The following EYS variants were observed in gnomAD, a reference collection of about 807,000 sequenced individuals.
EYS encodes EGF-like photoreceptor maintenance factor.
A neutral mutation model predicts 282.1 loss-of-function variants in EYS; 250 were observed. The observed-to-expected ratio is 0.89, with a 90% CI of 0.80 to 0.98. The LOEUF (loss-of-function observed/expected upper bound fraction) is 0.98, where lower values mean the gene tolerates loss of function less well. EYS is among the 50% of genes least tolerant of loss of function. The pLI, the probability that EYS is intolerant of heterozygous loss-of-function variation, is 0.00. For missense variants in EYS, 4,016 were observed against 3,709.0 expected (o/e 1.08, Z -2.15); for synonymous variants, 1,355 against 1,282.9 (o/e 1.06, Z -1.20).
chr6:64,312,481 A>G (rs1346938457), intron 29 of EYS, among the ~76,000 whole-genome samples: 1 of 152,174 alleles, frequency 6.6e-6, no homozygotes, highest in South Asian at 2.1e-4. Context: ...TCCCTGACTG[A>G]CTACTCTAAA....
intron 26 of EYS, among the ~76,000 whole-genome samples, chr6:64,566,389 CA>C (rs1277071910): frequency 1.3e-5 from 2 of 152,068 alleles, no homozygotes; most frequent in African/African-American, 4.8e-5. Context: ...GTAAAAATTG[CA>C]AAATAAATGG....
intron 12 of EYS, among the ~76,000 whole-genome samples, chr6:65,212,528 T>C (rs993924952): frequency 6.6e-6 from 1 of 152,120 alleles, no homozygotes. Context: ...AAACATAAAT[T>C]TTAATTGATC....
intron 26 of EYS, among the ~76,000 whole-genome samples, chr6:64,585,047 T>C (rs1000642803): frequency 2.0e-5 from 3 of 152,052 alleles, no homozygotes; most frequent in Non-Finnish European, 2.9e-5. Context: ...GCACTATTCA[T>C]AACAGCAAAG....
intron 12 of EYS, among the ~76,000 whole-genome samples, chr6:65,236,436 C>A (rs979733253): frequency 1.3e-5 from 2 of 151,930 alleles, no homozygotes; most frequent in Non-Finnish European, 2.9e-5. Flanking sequence ...ATGGTGAAAC[C>A]CCGTCTCTAG....
chr6:65,425,497 T>G (rs1028109742), intron 5 of EYS, among the ~76,000 whole-genome samples: 1 of 152,096 alleles, frequency 6.6e-6, no homozygotes, highest in Non-Finnish European at 1.5e-5. Context: ...TTTAATTGTT[T>G]TTGCTTTTCA....
intron 19 of EYS, among the ~76,000 whole-genome samples, chr6:64,879,780 A>G (rs1583252785): frequency 6.6e-6 from 1 of 152,138 alleles, no homozygotes; most frequent in South Asian, 2.1e-4. Flanking sequence ...AAAGAGTAAG[A>G]AAACATATTT....
At chr6:63,742,486 A>G (rs928472) in intron 41 of EYS, among the ~76,000 whole-genome samples, 151,687 of 152,306 alleles carry the variant, frequency 1, 75,538 homozygotes, top group Middle Eastern at 1. Context: ...ACAACCCCAG[A>G]AAGGAAATCT....
chr6:64,969,003 T>C (rs933855877), intron 14 of EYS, among the ~76,000 whole-genome samples: 1 of 152,120 alleles, frequency 6.6e-6, no homozygotes, highest in Admixed American at 6.5e-5. Flanking sequence ...ATCTCTGTTA[T>C]AATTGCTGTT....
intron 31 of EYS, among the ~76,000 whole-genome samples, chr6:64,225,450 A>G (rs1200552505): frequency 6.6e-6 from 1 of 152,102 alleles, no homozygotes; most frequent in Non-Finnish European, 1.5e-5. Flanking sequence ...TGGGCCCTAT[A>G]TAATCACAAG....
intron 13 of EYS, among the ~76,000 whole-genome samples, chr6:65,025,372 T>C (rs1772376614): frequency 6.6e-6 from 1 of 152,192 alleles, no homozygotes; most frequent in Non-Finnish European, 1.5e-5. Context: ...TGAAAATGAA[T>C]TGATTTTAAA....
intron 5 of EYS, among the ~76,000 whole-genome samples, chr6:65,471,854 T>TTTCATAATA (rs1432693093): frequency 6.6e-6 from 1 of 152,084 alleles, no homozygotes; most frequent in East Asian, 1.9e-4. Context: ...TTAAACTATA[T>TTTCATAATA]TTCATAATAT....
rs143956017 is a variant in EYS, at chr6:64,675,182, T to C, written c.3444-48937A>G. Reference sequence around the variant, plus strand: ...TCTTAAATTTTAGTCAGATTCCAAGTCATGTATAGTATACATTCAAAATGT... The same window carrying C: ...TCTTAAATTTTAGTCAGATTCCAAGCCATGTATAGTATACATTCAAAATGT... On this transcript the variant is annotated intron_variant, in intron 22 of 42. Transcript: ENST00000503581. Among the ~76,000 whole-genome samples, 864 of 152,248 alleles carry C rather than the reference T, an allele frequency of 5.7e-3. 8 individuals are homozygous for C. The highest frequency in any genetic ancestry group is 0.019 in the African/African-American group (804 of 41,544).
chr6:64,511,757 C>T (rs559490531), intron 26 of EYS, among the ~76,000 whole-genome samples: 1 of 152,050 alleles, frequency 6.6e-6, no homozygotes, highest in African/African-American at 2.4e-5. Flanking sequence ...GTCTATTTCT[C>T]CTTTTCTCTT....
intron 22 of EYS, among the ~76,000 whole-genome samples, chr6:64,679,116 T>C (rs1769807838): frequency 6.6e-6 from 1 of 151,906 alleles, no homozygotes; most frequent in South Asian, 2.1e-4. Context: ...TCTATCCTCT[T>C]CTCTGCAGTC....
intron 12 of EYS, among the ~76,000 whole-genome samples, chr6:65,169,685 G>T (rs1225050164): frequency 6.6e-6 from 1 of 151,354 alleles, no homozygotes; most frequent in Non-Finnish European, 1.5e-5. Context: ...GTGAGAGCAA[G>T]TCTATATATA....
chr6:65,244,839 T>C (rs1767142419), intron 12 of EYS, among the ~76,000 whole-genome samples: 1 of 152,054 alleles, frequency 6.6e-6, no homozygotes, highest in Admixed American at 6.6e-5. Context: ...ATTTCTACCA[T>C]GGCATCTATC....
chr6:65,233,521 C>T (rs942611612), intron 12 of EYS, among the ~76,000 whole-genome samples: 1 of 152,118 alleles, frequency 6.6e-6, no homozygotes, highest in African/African-American at 2.4e-5. Context: ...TTTGCATAAG[C>T]TCTCCTTAGC....
chr6:64,784,564 G>A (rs1415986999), intron 22 of EYS, among the ~76,000 whole-genome samples: 1 of 152,132 alleles, frequency 6.6e-6, no homozygotes, highest in Non-Finnish European at 1.5e-5. Flanking sequence ...TGAACCAGAA[G>A]AGAGCCTGGC....
intron 30 of EYS, among the ~76,000 whole-genome samples, chr6:64,280,126 T>C (rs1370505292): frequency 6.6e-6 from 1 of 152,214 alleles, no homozygotes; most frequent in Non-Finnish European, 1.5e-5. Flanking sequence ...CTAAATGACA[T>C]AACTGTTGGT....
Sources: gnomAD v4.1 joint callset for allele counts (sites outside exome capture counted in the v4.1 genomes callset) on GRCh38, gnomAD v4.1.1 for gene constraint, MANE v1.5 for transcripts, NCBI Gene and HGNC (gene_info 2026-07-23, HGNC 2026-07-21) for gene names.